DLGAP1: variants seen among roughly 807,000 people sequenced by gnomAD.
DLGAP1 encodes DLG associated protein 1.
Under a neutral mutation model 90.8 loss-of-function variants are expected in DLGAP1, and 11 were observed. That is an observed-to-expected ratio of 0.12 (90% confidence interval 0.08 to 0.20). The LOEUF is 0.20. DLGAP1 is among the 10% of genes least tolerant of loss of function. The probability of loss-of-function intolerance (pLI) is 1.00; values close to 1 mark genes in which losing one functional copy is unlikely to be tolerated. For missense variants in DLGAP1, 1,050 were observed against 1,333.8 expected (o/e 0.79, Z 3.31); for synonymous variants, 558 against 540.7 (o/e 1.03, Z -0.44).
At chr18:3,704,427 T>G (rs950073956) in intron 7 of DLGAP1, among the ~76,000 whole-genome samples, 3 of 151,490 alleles carry the variant, frequency 2.0e-5, no homozygotes, top group African/African-American at 7.3e-5. Flanking sequence ...AAAAATTAGC[T>G]GGTGTGGTGG....
chr18:3,769,881 A>T (rs2064440627), intron 5 of DLGAP1: 1 of 151,984 alleles, frequency 6.6e-6, no homozygotes, highest in Non-Finnish European at 1.5e-5. Context: ...GGTGCATGAG[A>T]TCTCTCTGTA....
intron 3 of DLGAP1, chr18:3,995,524 C>G (rs1302967295): frequency 6.6e-6 from 1 of 152,102 alleles, no homozygotes; most frequent in African/African-American, 2.4e-5. Context: ...AGCGTCTCTT[C>G]CAAGACCTTG....
At chr18:4,195,025 T>C (rs1275930223) in intron 1 of DLGAP1, among the ~76,000 whole-genome samples, 1 of 152,204 alleles carries the variant, frequency 6.6e-6, no homozygotes, top group East Asian at 1.9e-4. Context: ...CTAAAAACTT[T>C]TTCCTCCTGT....
Position 3,879,455 on chromosome 18 carries a change from T to C in DLGAP1, c.614A>G (p.Asp205Gly). Residue 205 changes from aspartate (D) to glycine (G), a missense_variant, in exon 4 of 13, where the codon GAC becomes GGC. Asp to Gly is a moderately conservative substitution (Grantham distance 94). Around this residue, in one of 2 missense-constraint regions of DLGAP1, gnomAD observed 485 missense variants for 454.1 expected, o/e 1.07. Transcript: ENST00000315677. This position sits in a 1 kb window ranked among gnomAD's most constrained non-coding sequence, Gnocchi z 6.6. ...PSTSPGWWSS[D>G]DNLDGDMCIY... ...GCACATGTCACCATCCAGGTTGTCG[T>C]CCGAGCTCCACCAGCCCGGGGAGGT... 5 of 1,607,034 alleles carry C rather than the reference T, an allele frequency of 3.1e-6. No homozygotes were observed. Among genetic ancestry groups the C allele is most frequent in the Non-Finnish European group, 4.2e-6 (5 of 1,179,910 alleles).
intron 1 of DLGAP1, among the ~76,000 whole-genome samples, chr18:4,345,940 C>T (rs1487986050): frequency 3.9e-5 from 6 of 152,172 alleles, no homozygotes; most frequent in Non-Finnish European, 8.8e-5. Flanking sequence ...CTCCACTGAT[C>T]TGGGATTATA....
chr18:4,431,972 A>T (rs968536556), intron 1 of DLGAP1, among the ~76,000 whole-genome samples: 1 of 152,240 alleles, frequency 6.6e-6, no homozygotes, highest in African/African-American at 2.4e-5. Context: ...CAGAAATGTG[A>T]AATAGTTTAA....
At chr18:3,961,140 G>C (rs549902142) in intron 3 of DLGAP1, among the ~76,000 whole-genome samples, 1 of 152,118 alleles carries the variant, frequency 6.6e-6, no homozygotes, top group South Asian at 2.1e-4. Flanking sequence ...CTCAGACACA[G>C]AGAGGGAAGA....
At chr18:4,361,748 T>TA (rs929240626) in intron 1 of DLGAP1, among the ~76,000 whole-genome samples, 6 of 152,034 alleles carry the variant, frequency 3.9e-5, no homozygotes, top group African/African-American at 7.2e-5. Context: ...TATCAATTTT[T>TA]AAAAAACTGT....
rs11301773 is a variant in DLGAP1, at chr18:4,249,447, C to CAA, written c.-266-98162_-266-98161dup. ...GGCCTGACATGGTTGAATGTTCTGG[C>CAA]AAAAAAAAAAAAAAAAAAAAAGTGA... On this transcript the variant is annotated intron_variant, in intron 1 of 12. Transcript: ENST00000315677. Among the ~76,000 whole-genome samples the CAA allele has an allele frequency of 5.5e-3, 563 of 101,570 alleles. 8 individuals are homozygous for CAA. The highest frequency in any genetic ancestry group is 0.019 in the African/African-American group (540 of 27,716). 66.6% of individuals were successfully genotyped at this position (101,570 alleles called of 152,430 possible).
At position 4,378,653 on chromosome 18, in the gene DLGAP1, C is replaced by A. The variant is rs2082061607; in HGVS notation, c.-267+76353G>T. Among the ~76,000 whole-genome samples the A allele has an allele frequency of 6.6e-6, 1 of 152,146 alleles. No homozygotes were observed. The highest frequency in any genetic ancestry group is 1.5e-5 in the Non-Finnish European group (1 of 68,002). ...ACAATTTGAAAGCACCTAAGGTGCTCCGTACCTAATATGTACTCCATCAGG... is the reference window on the plus strand; with the variant it reads ...ACAATTTGAAAGCACCTAAGGTGCTACGTACCTAATATGTACTCCATCAGG... On this transcript the variant is annotated intron_variant, in intron 1 of 12. Coordinates refer to ENST00000315677, the MANE Select transcript of DLGAP1 (RefSeq NM_004746.4). The surrounding 1 kb of genome is among the most constrained non-coding windows in gnomAD (Gnocchi z 4.5).
At chr18:3,920,462 G>T (rs995156220) in intron 3 of DLGAP1, among the ~76,000 whole-genome samples, 12 of 151,848 alleles carry the variant, frequency 7.9e-5, no homozygotes, top group African/African-American at 2.7e-4. Flanking sequence ...AGCATCTTCA[G>T]GTTTCCTACC....
chr18:3,738,112 A>G (rs1323998189), intron 6 of DLGAP1, among the ~76,000 whole-genome samples: 8 of 151,868 alleles, frequency 5.3e-5, no homozygotes, highest in African/African-American at 1.9e-4. Flanking sequence ...CCACTGCTCA[A>G]TGAAATAAAA....
chr18:4,056,012 G>A (rs11660659), intron 2 of DLGAP1, among the ~76,000 whole-genome samples: 27,974 of 152,020 alleles, frequency 0.18, 2,699 homozygotes, highest in Non-Finnish European at 0.2. Context: ...GTATATATGC[G>A]GGGAAGGGGA....
At chr18:4,453,328 A>T (rs954289102) in intron 1 of DLGAP1, among the ~76,000 whole-genome samples, 21 of 151,670 alleles carry the variant, frequency 1.4e-4, no homozygotes, top group Non-Finnish European at 2.6e-4. Context: ...ATTTCTTTAT[A>T]GGCTTGAATT....
intron 3 of DLGAP1, among the ~76,000 whole-genome samples, chr18:3,989,889 T>C (rs908085782): frequency 7.2e-5 from 11 of 152,096 alleles, no homozygotes; most frequent in African/African-American, 2.7e-4. Context: ...AAAATGCTCA[T>C]CATCACTGGC....
chr18:3,772,352 CTTTCTTTCTT>C (rs1568108714), intron 5 of DLGAP1, among the ~76,000 whole-genome samples: 1,673 of 11,244 alleles, frequency 0.15, 101 homozygotes, highest in Non-Finnish European at 0.16. Context: ...CTCTCTCTTT[CTTTCTTTCTT>C]TCTTTCTTTC....
chr18:4,122,146 G>A (rs2076162679), intron 2 of DLGAP1, among the ~76,000 whole-genome samples: 1 of 152,134 alleles, frequency 6.6e-6, no homozygotes, highest in Non-Finnish European at 1.5e-5. Flanking sequence ...TGCCTGTGAT[G>A]GTGTAGTAGC....
intron 1 of DLGAP1, among the ~76,000 whole-genome samples, chr18:4,193,485 T>C (rs2077438466): frequency 6.6e-6 from 1 of 152,080 alleles, no homozygotes; most frequent in Admixed American, 6.6e-5. Context: ...ACAACAGCTT[T>C]GGGGGAAAAA....
At chr18:4,272,675 G>A (rs565737051) in intron 1 of DLGAP1, among the ~76,000 whole-genome samples, 1 of 152,260 alleles carries the variant, frequency 6.6e-6, no homozygotes, top group African/African-American at 2.4e-5. Flanking sequence ...ATATATAAAA[G>A]GATTTCCTAT....
Sources: gnomAD v4.1 joint callset for allele counts (sites outside exome capture counted in the v4.1 genomes callset) on GRCh38, gnomAD v4.1.1 for gene constraint, gnomAD v4.1.1 regional missense constraint, Gnocchi (gnomAD v3.1) non-coding constraint, MANE v1.5 for transcripts, NCBI Gene and HGNC (gene_info 2026-07-23, HGNC 2026-07-21) for gene names.